Variants in SCN9A observed in about 807,000 individuals in gnomAD.
SCN9A encodes the protein sodium voltage-gated channel alpha subunit 9, also known as sodium channel protein type 9 subunit alpha.
A neutral mutation model predicts 187.0 loss-of-function variants in SCN9A; 131 were observed. The observed-to-expected ratio is 0.70, with a 90% confidence interval of 0.61 to 0.81. The LOEUF (loss-of-function observed/expected upper bound fraction) is 0.81. SCN9A is among the 30% of genes least tolerant of loss of function. The pLI is 0.00. For missense variants in SCN9A, 2,252 were observed against 2,396.6 expected, an observed-to-expected ratio of 0.94 and a Z score of 1.26; for synonymous variants, 809 against 808.6, an observed-to-expected ratio of 1.00 and a Z score of -0.01.
intron 17 of SCN9A, among the ~76,000 whole-genome samples, chr2:166,253,437 AT>A (rs1696133558): frequency 1.3e-5 from 2 of 151,866 alleles, no homozygotes; most frequent in African/African-American, 4.8e-5. Flanking sequence ...AATTAGTTTA[AT>A]TTAAAATAAG....
chr2:166,273,902 C>T (rs1425241237), intron 16 of SCN9A, among the ~76,000 whole-genome samples: 1 of 152,092 alleles, frequency 6.6e-6, no homozygotes, highest in African/African-American at 2.4e-5. Context: ...GTAAAGACAG[C>T]AGGCTAAAAT....
chr2:166,278,467 T>C (rs900191178), intron 14 of SCN9A, among the ~76,000 whole-genome samples, 154 bp from the exon 15 acceptor site: 2 of 152,184 alleles, frequency 1.3e-5, no homozygotes, highest in African/African-American at 4.8e-5. Context: ...GTCCTGTAAA[T>C]TAGGTATTGC....
chr2:166,373,370 G>C (rs1382970681), intron 1 of SCN9A, among the ~76,000 whole-genome samples: 1 of 149,972 alleles, frequency 6.7e-6, no homozygotes, highest in Non-Finnish European at 1.5e-5. Context: ...AGACAGGATG[G>C]TATTGCTTTG....
At chr2:166,210,051 C>A (rs989159376) in intron 24 of SCN9A, among the ~76,000 whole-genome samples, 6 of 152,190 alleles carry the variant, frequency 3.9e-5, no homozygotes, top group Admixed American at 3.9e-4. Flanking sequence ...AGACTTGGAA[C>A]CAAGCCAAAT....
chr2:166,332,912 A>T lies in SCN9A; in HGVS notation c.-50-21106T>A, dbSNP rs140057840. ...ACTTACTACAATAAAACAAACTTTC[A>T]ATACTCTAAAATATTTTAAAATTAA... is the stretch of plus-strand genomic sequence containing the variant. On this transcript the variant is annotated intron_variant, in intron 1 of 26. Coordinates refer to ENST00000642356, the MANE Select transcript of SCN9A (RefSeq NM_001365536.1). 9.1e-3 allele frequency among the ~76,000 whole-genome samples: 1,379 copies of T among 151,736 alleles called. 17 individuals are homozygous for T. The highest frequency in any genetic ancestry group is 0.031 in the African/African-American group (1,300 of 41,512).
chr2:166,302,463 C>T (rs1405541843), intron 7 of SCN9A: 1 of 152,034 alleles, frequency 6.6e-6, no homozygotes, highest in East Asian at 1.9e-4. Context: ...TTGCCATCAG[C>T]CTATATTGAA....
At chr2:166,257,029 G>C (rs1371953729) in intron 17 of SCN9A, among the ~76,000 whole-genome samples, 3 of 151,612 alleles carry the variant, frequency 2.0e-5, no homozygotes, top group Non-Finnish European at 4.4e-5. Context: ...GTATCATCTT[G>C]AAGCATCTTT....
Position 166,238,075 on chromosome 2 carries a change from T to C in SCN9A, c.3801+19A>G. 6.3e-7 allele frequency: 1 copy of C among 1,583,918 alleles called. No homozygotes were observed. Among genetic ancestry groups the C allele is most frequent in the Non-Finnish European group, 8.6e-7 (1 of 1,158,078 alleles). On this transcript the variant is annotated intron_variant, in intron 20 of 26. Coordinates refer to ENST00000642356, the MANE Select transcript of SCN9A (RefSeq NM_001365536.1). ...AGTAAGAATAAATCCTCTTTTAAAA[T>C]GTACTCAAAAGTACCTACATCAACA...
rs1256792960 is a variant in SCN9A, at chr2:166,199,447, C to A, written c.5192G>T (p.Gly1731Val). The A allele has an allele frequency of 6.2e-7, 1 of 1,614,186 alleles. No homozygotes were observed. The highest frequency in any genetic ancestry group is 1.1e-5 in the South Asian group (1 of 91,074). ...HPGSSVEGDC[G>V]NPSVGIFYFV... ...GTAGAATATTCCAACAGATGGGTTA[C>A]CACAGTCTCCTTCAACTGAACTTCC... The change falls in exon 27 of 27, where the codon GGT becomes GTT. Residue 1731 changes from glycine (G) to valine (V), a missense_variant. Gly to Val is a moderately radical substitution (Grantham distance 109). This residue lies in a region of SCN9A where 345 missense variants were observed against 344.6 expected (regional missense o/e 1.00). Coordinates refer to ENST00000642356, the MANE Select transcript of SCN9A (RefSeq NM_001365536.1).
chr2:166,224,905 A>C (rs1443192511), intron 24 of SCN9A, among the ~76,000 whole-genome samples: 1 of 152,162 alleles, frequency 6.6e-6, no homozygotes, highest in Non-Finnish European at 1.5e-5. Flanking sequence ...TGAGGATACT[A>C]TGTCTTTTAG....
chr2:166,220,723 A>T (rs1694547934), intron 24 of SCN9A, among the ~76,000 whole-genome samples: 1 of 152,226 alleles, frequency 6.6e-6, no homozygotes, highest in African/African-American at 2.4e-5. Context: ...TTCAATGGTG[A>T]AAAACTGAAA....
In SCN9A at chr2:166,314,909, T is replaced by A. The variant is rs144435267; in HGVS notation, c.-50-3103A>T. ...CATAATGATGATTGTTGCATACCTT[T>A]GTGAACATACTAAAAACCACTGAGT... On this transcript the variant is annotated intron_variant, in intron 1 of 26. Transcript: ENST00000642356. 7.2e-5 allele frequency among the ~76,000 whole-genome samples: 11 copies of A among 152,346 alleles called. No homozygotes were observed. The East Asian group carries it at 1.9e-3, about 27-fold the overall frequency.
chr2:166,222,959 A>AAAAAAAAAAAAAAAAAAAAAAAAAAAC (rs1558960927), intron 24 of SCN9A, among the ~76,000 whole-genome samples: 3 of 146,910 alleles, frequency 2.0e-5, no homozygotes, highest in Non-Finnish European at 3.0e-5. Context: ...AAAAAAAAAA[A>AAAAAAAAAAAAAAAAAAAAAAAAAAAC]AAAAAAAAAA....
At chr2:166,247,157 C>CAAAAA (rs35833662) in intron 18 of SCN9A, among the ~76,000 whole-genome samples, 35 of 41,612 alleles carry the variant, frequency 8.4e-4, no homozygotes, top group African/African-American at 2.6e-3. Flanking sequence ...CCAAAGCTCT[C>CAAAAA]AAAAAAAAAA....
Position 166,242,135 on chromosome 2 carries a change from A to G in SCN9A, c.3627+367T>C, listed in dbSNP as rs538996961. 7.2e-5 allele frequency among the ~76,000 whole-genome samples: 11 copies of G among 152,284 alleles called. No homozygotes were observed. In the South Asian group the frequency reaches 2.3e-3, roughly 32 times the overall value. ...CCAATGAACTTTCTCAAAGAGCAATATATAACATTTTCCCATTTTAATAAA... is the reference window on the plus strand; with the variant it reads ...CCAATGAACTTTCTCAAAGAGCAATGTATAACATTTTCCCATTTTAATAAA... On this transcript the variant is annotated intron_variant, in intron 19 of 26. Transcript: ENST00000642356.
chr2:166,304,001 G>A, intron 6 of SCN9A: 4 of 1,594,330 alleles, frequency 2.5e-6, no homozygotes, highest in Non-Finnish European at 3.4e-6. Flanking sequence ...AAAGATCAAA[G>A]TCAGCCCTGG....
intron 7 of SCN9A, chr2:166,300,998 G>C (rs868794975): frequency 6.7e-6 from 1 of 150,304 alleles, no homozygotes; most frequent in Non-Finnish European, 1.5e-5. Flanking sequence ...TCTGCCTCCC[G>C]AGTTCAAGCG....
chr2:166,302,230 C>G (rs1338700995), intron 7 of SCN9A: 1 of 143,690 alleles, frequency 7.0e-6, no homozygotes, highest in African/African-American at 3.0e-5. Flanking sequence ...TTCCAGGTGT[C>G]AGACAGAAAG....
intron 1 of SCN9A, among the ~76,000 whole-genome samples, chr2:166,374,931 CTAAAA>C (rs948427475): frequency 2.0e-5 from 3 of 150,656 alleles, no homozygotes; most frequent in Non-Finnish European, 3.0e-5. Context: ...AAAAAAAAAA[CTAAAA>C]TAATGAGTGA....
Sources: gnomAD v4.1 joint callset for allele counts (sites outside exome capture counted in the v4.1 genomes callset) on GRCh38, gnomAD v4.1.1 for gene constraint, gnomAD v4.1.1 regional missense constraint, MANE v1.5 for transcripts, NCBI Gene and HGNC (gene_info 2026-07-23, HGNC 2026-07-21) for gene names.